Variants in DMXL2 observed in about 807,000 individuals in gnomAD.
DMXL2 encodes Dmx like 2.
A neutral mutation model predicts 331.1 loss-of-function variants in DMXL2; 103 were observed. The observed-to-expected ratio is 0.31, with a 90% CI of 0.27 to 0.37. The LOEUF is 0.37. DMXL2 is among the 10% of genes least tolerant of loss of function. The pLI is 1.00. For synonymous variants in DMXL2, 1,281 were observed against 1,252.1 expected, an observed-to-expected ratio of 1.02 and a Z score of -0.49; for missense variants, 3,171 against 3,642.9, an observed-to-expected ratio of 0.87 and a Z score of 3.33.
At chr15:51,550,742 T>C (rs188911060) in intron 6 of DMXL2, among the ~76,000 whole-genome samples, 3 of 152,256 alleles carry the variant, frequency 2.0e-5, no homozygotes, top group African/African-American at 7.2e-5. Flanking sequence ...CATCTCCTAG[T>C]AAGCGAACCA....
intron 1 of DMXL2, among the ~76,000 whole-genome samples, chr15:51,606,571 T>C (rs1165545252): frequency 6.6e-6 from 1 of 152,220 alleles, no homozygotes; most frequent in Non-Finnish European, 1.5e-5. Flanking sequence ...TGAATTAATG[T>C]CTTCCCTAAA....
intron 14 of DMXL2, among the ~76,000 whole-genome samples, chr15:51,516,299 TCTC>T (rs2047032584): frequency 6.6e-6 from 1 of 152,208 alleles, no homozygotes; most frequent in African/African-American, 2.4e-5. Flanking sequence ...GGAGAAGGGT[TCTC>T]CTTCTTTCCT....
At chr15:51,535,073 C>A (rs185508055) in intron 13 of DMXL2, among the ~76,000 whole-genome samples, 280 of 152,242 alleles carry the variant, frequency 1.8e-3, no homozygotes, top group Non-Finnish European at 2.8e-3. Context: ...TCTAGGAGAA[C>A]ATAGTAGATG....
chr15:51,548,780 C>T (rs1431792035), intron 6 of DMXL2, among the ~76,000 whole-genome samples: 1 of 151,872 alleles, frequency 6.6e-6, no homozygotes, highest in African/African-American at 2.4e-5. Flanking sequence ...CTAGAAAATT[C>T]CCAAATATTT....
chr15:51,544,663 C>T (rs77374865), intron 8 of DMXL2, among the ~76,000 whole-genome samples: 4,740 of 152,150 alleles, frequency 0.031, 220 homozygotes, highest in African/African-American at 0.11. Context: ...AACCTTTAAA[C>T]TGTCAATGTA....
intron 13 of DMXL2, among the ~76,000 whole-genome samples, chr15:51,533,180 A>C (rs1412431740): frequency 6.6e-6 from 1 of 152,080 alleles, no homozygotes; most frequent in Non-Finnish European, 1.5e-5. Context: ...GACACTATTG[A>C]AAGTTGTTTA....
intron 2 of DMXL2, among the ~76,000 whole-genome samples, chr15:51,575,423 T>C (rs1051817142): frequency 2.0e-5 from 3 of 152,170 alleles, no homozygotes; most frequent in African/African-American, 7.2e-5. Flanking sequence ...AATACTGGCC[T>C]TACTGAATTG....
intron 20 of DMXL2, among the ~76,000 whole-genome samples, chr15:51,488,990 C>A (rs529994990): frequency 6.6e-6 from 1 of 152,174 alleles, no homozygotes; most frequent in Admixed American, 6.5e-5. Context: ...GTGACTGAGA[C>A]AGAAAGGTTA....
At position 51,536,263 on chromosome 15, in the gene DMXL2, A is replaced by G; in HGVS notation, c.2217T>C (p.Thr739=). 1 of 1,614,012 alleles carries G rather than the reference A, an allele frequency of 6.2e-7. No individual in the cohort carries two copies. Among genetic ancestry groups the G allele is most frequent in the Non-Finnish European group, 8.5e-7 (1 of 1,179,916 alleles). The change falls in exon 12 of 44, where the codon ACT becomes ACC. Residue 739 remains threonine, a synonymous_variant. Coordinates refer to ENST00000560891, the MANE Select transcript of DMXL2 (RefSeq NM_001378457.1). ...TTCGAGCCAATTCTGATACTCCTCC[A>G]GTGTATGACAAAGGTCCTATTGGGT... ...RVDPIGPLSY[T]GGVSELARIN...
chr15:51,481,553 A>G lies in DMXL2; in HGVS notation c.5553T>C (p.Ile1851=). The G allele has an allele frequency of 6.2e-7, 1 of 1,610,406 alleles. No individual in the cohort carries two copies. The highest frequency in any genetic ancestry group is 1.7e-5 in the Admixed American group (1 of 58,774). The part of the protein sequence containing the change: ...YNYLRTHPLL[I]RRNLASPEGT... ...CTTCAGGGGAGGCAAGATTTCTTCG[A>G]ATGAGCAAAGGATGAGTTCGAAGGT... Residue 1851 remains isoleucine (I), a synonymous_variant, in exon 24 of 44, where the codon ATT becomes ATC. Coordinates refer to ENST00000560891, the MANE Select transcript of DMXL2 (RefSeq NM_001378457.1).
intron 1 of DMXL2, among the ~76,000 whole-genome samples, chr15:51,583,040 C>T (rs1298100767): frequency 6.6e-6 from 1 of 150,838 alleles, no homozygotes; most frequent in African/African-American, 2.4e-5. Flanking sequence ...CACTTATTTT[C>T]CACTTAGTTA....
intron 1 of DMXL2, among the ~76,000 whole-genome samples, chr15:51,612,743 T>C (rs2054057896): frequency 6.6e-6 from 1 of 152,170 alleles, no homozygotes; most frequent in Admixed American, 6.5e-5. Context: ...ATTGAAAACA[T>C]CTTATCAGGA....
At chr15:51,569,252 G>C (rs1165198847) in intron 2 of DMXL2, among the ~76,000 whole-genome samples, 1 of 152,176 alleles carries the variant, frequency 6.6e-6, no homozygotes, top group Non-Finnish European at 1.5e-5. Context: ...AGCTTGGTGG[G>C]AGGAGGTGCA....
rs181261491 is a variant in DMXL2 at position 51,604,763 on chromosome 15, G to C, written c.87+17696C>G. 1.8e-3 allele frequency among the ~76,000 whole-genome samples: 279 copies of C among 152,098 alleles called. 1 individual carries two copies. Among genetic ancestry groups the C allele is most frequent in the African/African-American group, 6.4e-3 (265 of 41,514 alleles). On this transcript the variant is annotated intron_variant, in intron 1 of 43. Transcript: ENST00000560891. ...CTGATCCTAAAATTTAAATGGAAAG[G>C]TAAAGGAACTAGAATAACTAAAACA...
intron 15 of DMXL2, among the ~76,000 whole-genome samples, chr15:51,512,130 T>C (rs921144402): frequency 2.0e-5 from 3 of 152,142 alleles, no homozygotes; most frequent in African/African-American, 7.2e-5. Flanking sequence ...CCATGGCACA[T>C]GTATACGTAT....
At position 51,459,645 on chromosome 15, in the gene DMXL2, CAT is replaced by C. The variant is rs1180171082; in HGVS notation, c.7940_7941del (p.His2647ArgfsTer18). The C allele has an allele frequency of 1.6e-6, 2 of 1,289,670 alleles. No homozygotes were observed. Among genetic ancestry groups the C allele is most frequent in the Non-Finnish European group, 2.0e-6 (2 of 988,860 alleles). The allele number at this position is 1,289,670 out of a possible 1,614,324, so 79.9% of individuals were successfully genotyped here. A position where few individuals can be genotyped will look rare whatever the true frequency, so the allele number is the denominator to read the frequency against. ...ATGCAGTTTTGGTTGACCTGCTCCA[CAT>C]GTTCTTCTATAGACTAAATACCACC... ...KRKQSESIEE[H>X]VEQVNQNCIA... On this transcript the variant is annotated frameshift_variant, in exon 34 of 44. Coordinates refer to ENST00000560891, the MANE Select transcript of DMXL2 (RefSeq NM_001378457.1). LOFTEE classifies it high-confidence loss of function.
At chr15:51,563,774 T>C (rs1244671602) in intron 5 of DMXL2, among the ~76,000 whole-genome samples, 3 of 152,186 alleles carry the variant, frequency 2.0e-5, no homozygotes, top group Non-Finnish European at 4.4e-5. Context: ...ACATAATCTA[T>C]ATGACTGTTA....
chr15:51,473,109 C>A (rs975414406), intron 28 of DMXL2, among the ~76,000 whole-genome samples: 3 of 152,182 alleles, frequency 2.0e-5, no homozygotes, highest in African/African-American at 7.2e-5. Flanking sequence ...TCTCAGATAT[C>A]CACATGGTGT....
intron 1 of DMXL2, among the ~76,000 whole-genome samples, chr15:51,595,902 C>T (rs1377752146): frequency 6.6e-6 from 1 of 152,128 alleles, no homozygotes. Flanking sequence ...TTCCTTACAC[C>T]TTATACAAAA....
Sources: gnomAD v4.1 joint callset for allele counts (sites outside exome capture counted in the v4.1 genomes callset) on GRCh38, gnomAD v4.1.1 for gene constraint, MANE v1.5 for transcripts, NCBI Gene and HGNC (gene_info 2026-07-23, HGNC 2026-07-21) for gene names.